PCDHGA5: variants seen among roughly 807,000 people sequenced by gnomAD.
The protein encoded by PCDHGA5 is protocadherin gamma-A5.
PCDHGA5 carries 36 observed loss-of-function variants against 56.7 expected under a neutral mutation model. The ratio of observed to expected loss-of-function variants is 0.64; its 90% CI spans 0.49 to 0.84. The LOEUF (loss-of-function observed/expected upper bound fraction) is 0.84, where lower values mean the gene tolerates loss of function less well. Ranked by LOEUF, PCDHGA5 falls within the 40% of genes least tolerant of loss-of-function variation. The pLI is 0.00. For missense variants in PCDHGA5, 1,305 were observed against 1,201.5 expected (o/e 1.09, Z -1.27); for synonymous variants, 563 against 520.2 (o/e 1.08, Z -1.12).
At chr5:141,427,333 T>C (rs1157500463) in intron 1 of PCDHGA5, 1 of 457,322 alleles carries the variant, frequency 2.2e-6, no homozygotes, top group Non-Finnish European at 4.4e-6. Context: ...TTTACTTCAG[T>C]GTCCAGTTCT....
Position 141,478,294 on chromosome 5 carries a change from A to G in PCDHGA5, c.2422-16513A>G, listed in dbSNP as rs147994096. The G allele has an allele frequency of 3.6e-3, 5,805 of 1,614,110 alleles. 30 individuals are homozygous for G. Among genetic ancestry groups the G allele is most frequent in the Non-Finnish European group, 3.4e-3 (4,026 of 1,180,032 alleles). The stretch of plus-strand genomic sequence containing the variant: ...ACAAGTGGAAGCAGTCTAGAGACCT[A>G]TACCGAGCCCCGGTGAGCTCACTGT... On this transcript the variant is annotated intron_variant, in intron 1 of 3. Coordinates refer to ENST00000518069, the MANE Select transcript of PCDHGA5 (RefSeq NM_018918.3).
intron 1 of PCDHGA5, chr5:141,375,397 C>T: frequency 6.2e-7 from 1 of 1,614,010 alleles, no homozygotes; most frequent in Non-Finnish European, 8.5e-7. Flanking sequence ...AAACAATCAT[C>T]TCTCTAAATG....
chr5:141,393,486 A>G, intron 1 of PCDHGA5: 1 of 1,614,082 alleles, frequency 6.2e-7, no homozygotes. Flanking sequence ...TCGCTCTAGC[A>G]CAGTGCGCAT....
chr5:141,486,121 T>G lies in PCDHGA5; in HGVS notation c.2422-8686T>G. The G allele has an allele frequency of 6.2e-7, 1 of 1,614,204 alleles. No homozygotes were observed. Among genetic ancestry groups the G allele is most frequent in the Non-Finnish European group, 8.5e-7 (1 of 1,180,036 alleles). Reference sequence around the variant, plus strand: ...TAGACTTTGAGAGTGAGAATTACTATGAATTTGATGTGCGGGCTCGCGATG... The same window carrying G: ...TAGACTTTGAGAGTGAGAATTACTAGGAATTTGATGTGCGGGCTCGCGATG... On this transcript the variant is annotated intron_variant, in intron 1 of 3. Transcript: ENST00000518069. The surrounding 1 kb of genome is among the most constrained non-coding windows in gnomAD (Gnocchi z 5.0).
intron 1 of PCDHGA5, chr5:141,399,764 T>C: frequency 6.2e-7 from 1 of 1,613,252 alleles, no homozygotes; most frequent in Non-Finnish European, 8.5e-7. Flanking sequence ...AGCCTGCGCG[T>C]GTTGGTGGGC....
intron 1 of PCDHGA5, among the ~76,000 whole-genome samples, chr5:141,474,651 C>T (rs2099352565): frequency 6.6e-6 from 1 of 152,178 alleles, no homozygotes; most frequent in South Asian, 2.1e-4. Flanking sequence ...ATCCTTACTT[C>T]TTTTCTACCT....
intron 1 of PCDHGA5, chr5:141,408,447 G>A (rs536531313): frequency 3.1e-6 from 5 of 1,614,064 alleles, no homozygotes; most frequent in Admixed American, 1.7e-5. Context: ...GCGGAGAGCG[G>A]GGACTTACTT....
At chr5:141,409,830 G>T in intron 1 of PCDHGA5, 1 of 1,611,250 alleles carries the variant, frequency 6.2e-7, no homozygotes, top group South Asian at 1.1e-5. Flanking sequence ...CCCACGCTCA[G>T]CGCCAACGTG....
rs781345070 is a variant in PCDHGA5 at position 141,371,941 on chromosome 5, C to T, written c.2421+5190C>T. 8 of 1,613,174 alleles carry T rather than the reference C, an allele frequency of 5.0e-6. No individual in the cohort carries two copies. The South Asian group carries it at 7.7e-5, about 15-fold the overall frequency. On this transcript the variant is annotated intron_variant, in intron 1 of 3. Transcript: ENST00000518069. ...AGCGCGCGGAGCGGGGTGGTGTTCG[C>T]GCAGCGAGCCTTCGACCACGAGCAG...
intron 1 of PCDHGA5, among the ~76,000 whole-genome samples, chr5:141,437,431 A>G (rs1282194918): frequency 6.6e-6 from 1 of 152,234 alleles, no homozygotes; most frequent in African/African-American, 2.4e-5. Flanking sequence ...TGAAGCAGCA[A>G]TAGCATAGGA....
chr5:141,483,833 G>A (rs964111814), intron 1 of PCDHGA5, among the ~76,000 whole-genome samples: 1 of 152,116 alleles, frequency 6.6e-6, no homozygotes, highest in Admixed American at 6.5e-5. Flanking sequence ...CCTAGGTAAG[G>A]ACTTGGTTGA....
At chr5:141,495,452 C>T (rs543717781) in intron 2 of PCDHGA5, among the ~76,000 whole-genome samples, 1 of 152,356 alleles carries the variant, frequency 6.6e-6, no homozygotes, top group Non-Finnish European at 1.5e-5. Context: ...TTGTCCTGCT[C>T]TCTGTCTGTG....
intron 1 of PCDHGA5, chr5:141,408,888 A>G: frequency 1.2e-6 from 2 of 1,613,352 alleles, no homozygotes; most frequent in Non-Finnish European, 1.7e-6. Context: ...GCTCACATAG[A>G]AATTTCTGTC....
At chr5:141,497,468 G>A (rs912445126) in intron 2 of PCDHGA5, among the ~76,000 whole-genome samples, 10 of 151,996 alleles carry the variant, frequency 6.6e-5, no homozygotes, top group African/African-American at 2.4e-4. Flanking sequence ...GAGATATGGA[G>A]GAGAAGGTGC....
At position 141,394,528 on chromosome 5, in the gene PCDHGA5, C is replaced by T. The variant is rs1465272752; in HGVS notation, c.2421+27777C>T. Reference sequence around the variant, plus strand: ...TACCCCGCCCTCCCCACAGACGGTTCCACTGGCGTGGAGCTGGCGCCCCGC... The same window carrying T: ...TACCCCGCCCTCCCCACAGACGGTTTCACTGGCGTGGAGCTGGCGCCCCGC... On this transcript the variant is annotated intron_variant, in intron 1 of 3. Transcript: ENST00000518069. 3 of 1,614,096 alleles carry T rather than the reference C, an allele frequency of 1.9e-6. No individual in the cohort carries two copies. The highest frequency in any genetic ancestry group is 2.5e-6 in the Non-Finnish European group (3 of 1,180,058).
intron 1 of PCDHGA5, chr5:141,414,747 C>T (rs556012378): frequency 6.2e-7 from 1 of 1,614,214 alleles, no homozygotes; most frequent in African/African-American, 1.3e-5. Flanking sequence ...TCAGATCCTT[C>T]GACTATGAGC....
intron 1 of PCDHGA5, among the ~76,000 whole-genome samples, chr5:141,470,694 ATAATTT>A (rs2099236876): frequency 6.6e-6 from 1 of 151,978 alleles, no homozygotes; most frequent in African/African-American, 2.4e-5. Context: ...GAAATTCTTA[ATAATTT>A]TTATTTTATT....
chr5:141,399,274 C>T, intron 1 of PCDHGA5: 1 of 1,613,848 alleles, frequency 6.2e-7, no homozygotes, highest in Non-Finnish European at 8.5e-7. Context: ...TTGTCAATTA[C>T]AAGGCGAAGT....
At position 141,388,927 on chromosome 5, in the gene PCDHGA5, A is replaced by G. The variant is rs772950330; in HGVS notation, c.2421+22176A>G. 7 of 1,614,064 alleles carry G rather than the reference A, an allele frequency of 4.3e-6. No individual in the cohort carries two copies. Among genetic ancestry groups the G allele is most frequent in the Non-Finnish European group, 5.1e-6 (6 of 1,179,890 alleles). Reference sequence around the variant, plus strand: ...GACAACGCCCCAGAAGTGATATTCCAGTCTCTACCCAACCTAATTATGGAG... The same window carrying G: ...GACAACGCCCCAGAAGTGATATTCCGGTCTCTACCCAACCTAATTATGGAG... On this transcript the variant is annotated intron_variant, in intron 1 of 3. Coordinates refer to ENST00000518069, the MANE Select transcript of PCDHGA5 (RefSeq NM_018918.3).
Sources: allele counts gnomAD v4.1 joint callset (sites outside exome capture counted in the v4.1 genomes callset), GRCh38; gene constraint gnomAD v4.1.1; non-coding constraint Gnocchi (gnomAD v3.1); transcripts MANE v1.5; gene names NCBI Gene and HGNC (gene_info 2026-07-23, HGNC 2026-07-21).